Variants in FMN1 observed in about 807,000 individuals in gnomAD.
The protein encoded by FMN1 is formin 1, also known as formin-1.
In FMN1, 110 loss-of-function variants were observed where a neutral mutation model predicts 132.4. That is an observed-to-expected ratio of 0.83 (90% CI 0.71 to 0.97). The LOEUF (loss-of-function observed/expected upper bound fraction) is 0.97, where lower values mean the gene tolerates loss of function less well. FMN1 is among the 50% of genes least tolerant of loss of function. The pLI is 0.00. For synonymous variants in FMN1, 722 were observed against 651.7 expected, an observed-to-expected ratio of 1.11 and a Z score of -1.64; for missense variants, 1,792 against 1,705.3, an observed-to-expected ratio of 1.05 and a Z score of -0.90.
chr15:33,112,721 G>A (rs533835851), intron 4 of FMN1, among the ~76,000 whole-genome samples: 3 of 152,266 alleles, frequency 2.0e-5, no homozygotes, highest in Admixed American at 6.5e-5. Flanking sequence ...AGTCACGGCT[G>A]CCCAATCAAC....
chr15:33,006,283 G>GA (rs1162489738), intron 7 of FMN1, among the ~76,000 whole-genome samples: 2 of 151,888 alleles, frequency 1.3e-5, no homozygotes, highest in African/African-American at 2.4e-5. Flanking sequence ...ACCAATATAT[G>GA]AAAAAAATGC....
chr15:32,848,001 C>T (rs2058900194), intron 17 of FMN1, among the ~76,000 whole-genome samples: 3 of 151,958 alleles, frequency 2.0e-5, no homozygotes, highest in South Asian at 4.2e-4. Context: ...TGGTCTGTGT[C>T]GGGGTAATCT....
At chr15:32,951,709 T>C (rs2061657648) in intron 9 of FMN1, among the ~76,000 whole-genome samples, 1 of 152,216 alleles carries the variant, frequency 6.6e-6, no homozygotes. Flanking sequence ...CATTTTAATT[T>C]TCACAACCAC....
intron 4 of FMN1, chr15:33,149,993 T>C (rs929995751): frequency 4.1e-6 from 4 of 985,334 alleles, no homozygotes; most frequent in Non-Finnish European, 4.8e-6. Flanking sequence ...GGCACAAGAA[T>C]TGATCAAGAG....
intron 18 of FMN1, among the ~76,000 whole-genome samples, chr15:32,800,211 A>C (rs1448228253): frequency 6.6e-6 from 1 of 152,228 alleles, no homozygotes; most frequent in African/African-American, 2.4e-5. Context: ...AGTCCCATAA[A>C]TTCTTTGTGC....
Position 32,930,266 on chromosome 15 carries a change from C to T in FMN1, c.3139-4005G>A, listed in dbSNP as rs569338158. 5.9e-5 allele frequency among the ~76,000 whole-genome samples: 9 copies of T among 152,134 alleles called. No individual in the cohort carries two copies. In the South Asian group the frequency reaches 1.7e-3, roughly 28 times the overall value. ...CCTCCCCAAATGCTGGGATTACAGG[C>T]GTGAGCCACCGTCCCTGGTCTATTT... is the stretch of plus-strand genomic sequence containing the variant. On this transcript the variant is annotated intron_variant, in intron 9 of 20. Coordinates refer to ENST00000616417, the MANE Select transcript of FMN1 (RefSeq NM_001277313.2).
intron 6 of FMN1, among the ~76,000 whole-genome samples, chr15:33,054,121 C>A (rs1595363789): frequency 6.6e-6 from 1 of 152,158 alleles, no homozygotes; most frequent in African/African-American, 2.4e-5. Flanking sequence ...TACCAGGAGT[C>A]ATCTCATTTG....
At chr15:33,065,689 T>C (rs181537036) in intron 5 of FMN1, among the ~76,000 whole-genome samples, 87 of 152,352 alleles carry the variant, frequency 5.7e-4, no homozygotes, top group Non-Finnish European at 8.5e-4. Context: ...ATTTTTAACA[T>C]TTTAACTGAA....
intron 4 of FMN1, among the ~76,000 whole-genome samples, chr15:33,115,260 G>A (rs931272550): frequency 3.9e-5 from 6 of 152,140 alleles, no homozygotes; most frequent in African/African-American, 1.4e-4. Flanking sequence ...AAGGAGGGTG[G>A]GAGGCTAGGA....
intron 6 of FMN1, among the ~76,000 whole-genome samples, chr15:33,023,318 TAAG>T (rs2035512294): frequency 6.6e-6 from 1 of 151,730 alleles, no homozygotes; most frequent in South Asian, 2.1e-4. Context: ...TTTCAAAACA[TAAG>T]AAGAAACCTA....
chr15:32,779,525 T>C (rs192977388), intron 19 of FMN1, among the ~76,000 whole-genome samples: 1 of 152,232 alleles, frequency 6.6e-6, no homozygotes, highest in East Asian at 1.9e-4. Flanking sequence ...GCATGTACAC[T>C]CTACGAGCCA....
intron 6 of FMN1, among the ~76,000 whole-genome samples, chr15:33,039,321 G>C (rs777993349): frequency 3.3e-4 from 50 of 151,610 alleles, no homozygotes; most frequent in Non-Finnish European, 6.0e-4. Flanking sequence ...TTGTTGGCTA[G>C]ATTGGAGCAG....
intron 15 of FMN1, among the ~76,000 whole-genome samples, chr15:32,891,413 A>C (rs1030054151): frequency 6.6e-6 from 1 of 152,136 alleles, no homozygotes; most frequent in African/African-American, 2.4e-5. Flanking sequence ...ACGCCCAGCT[A>C]ATTTATTTTT....
chr15:32,867,877 GATT>G (rs1380249660), intron 16 of FMN1, among the ~76,000 whole-genome samples: 2 of 152,104 alleles, frequency 1.3e-5, no homozygotes, highest in South Asian at 2.1e-4. Context: ...CCCTTTTCAT[GATT>G]ATTGGATTGT....
At chr15:33,019,027 G>A (rs769683614) in intron 6 of FMN1, among the ~76,000 whole-genome samples, 5 of 152,208 alleles carry the variant, frequency 3.3e-5, no homozygotes, top group Non-Finnish European at 5.9e-5. Flanking sequence ...CTTCCACCAT[G>A]CGGAAGAGGA....
At chr15:33,089,763 A>G (rs937184590) in intron 4 of FMN1, among the ~76,000 whole-genome samples, 1 of 152,242 alleles carries the variant, frequency 6.6e-6, no homozygotes, top group East Asian at 1.9e-4. Context: ...CAGTTAAACA[A>G]TAGAGGGCCG....
At chr15:32,987,195 A>G (rs1478008762) in intron 7 of FMN1, among the ~76,000 whole-genome samples, 2 of 152,176 alleles carry the variant, frequency 1.3e-5, no homozygotes, top group Admixed American at 1.3e-4. Context: ...ATACCTAACC[A>G]TAAAGGTTAA....
intron 17 of FMN1, among the ~76,000 whole-genome samples, chr15:32,822,017 G>T (rs2058231031): frequency 6.6e-6 from 1 of 151,988 alleles, no homozygotes; most frequent in African/African-American, 2.4e-5. Context: ...TATACCTTTT[G>T]CTACTCCACT....
rs142305301 is a variant in FMN1 at position 32,897,746 on chromosome 15, T to G, written c.3714+1088A>C. 4.2e-3 allele frequency among the ~76,000 whole-genome samples: 640 copies of G among 152,194 alleles called. 1 individual carries two copies. The highest frequency in any genetic ancestry group is 0.015 in the African/African-American group (609 of 41,516). ...TGGGATGGCTTAGAGTGGTAGAACC[T>G]CGAAATAGAGAGCTGAGCTGGAAAG... On this transcript the variant is annotated intron_variant, in intron 15 of 20. Coordinates refer to ENST00000616417, the MANE Select transcript of FMN1 (RefSeq NM_001277313.2).
Sources: allele counts gnomAD v4.1 joint callset (sites outside exome capture counted in the v4.1 genomes callset), GRCh38; gene constraint gnomAD v4.1.1; transcripts MANE v1.5; gene names NCBI Gene and HGNC (gene_info 2026-07-23, HGNC 2026-07-21).